NXN: variants seen among roughly 807,000 people sequenced by gnomAD.
NXN encodes the protein nucleoredoxin.
NXN carries 16 observed loss-of-function variants against 48.6 expected under a neutral mutation model. That is an observed-to-expected ratio of 0.33 (90% CI 0.22 to 0.50). The LOEUF (loss-of-function observed/expected upper bound fraction) is 0.50. Ranked by LOEUF, NXN falls within the 20% of genes least tolerant of loss-of-function variation. The probability of loss-of-function intolerance (pLI) is 0.98; values close to 1 mark genes in which losing one functional copy is unlikely to be tolerated. For missense variants in NXN, 492 were observed against 605.5 expected (o/e 0.81, Z 1.97); for synonymous variants, 281 against 269.6 (o/e 1.04, Z -0.41).
intron 1 of NXN, chr17:896,857 A>AGGGGGGGGGGGGGGGGGGG: frequency 1.7e-6 from 1 of 577,954 alleles, no homozygotes; most frequent in Non-Finnish European, 2.7e-6. Flanking sequence ...GGTCCTGACC[A>AGGGGGGGGGGGGGGGGGGG]CCCGCCCCCG....
intron 6 of NXN, among the ~76,000 whole-genome samples, chr17:804,155 A>C (rs1911356977): frequency 6.6e-6 from 1 of 151,578 alleles, no homozygotes; most frequent in African/African-American, 2.4e-5. Context: ...GGCGCCTGCT[A>C]GTGTTTCTCT....
At chr17:870,092 C>T (rs867164413) in intron 1 of NXN, among the ~76,000 whole-genome samples, 1 of 152,072 alleles carries the variant, frequency 6.6e-6, no homozygotes, top group Non-Finnish European at 1.5e-5. Flanking sequence ...ATGCTGTCCA[C>T]GTTCTACCAG....
At chr17:969,883 C>A (rs779060388) in intron 1 of NXN, among the ~76,000 whole-genome samples, 14 of 152,176 alleles carry the variant, frequency 9.2e-5, no homozygotes, top group Admixed American at 2.0e-4. Context: ...TGTTTGGTGA[C>A]TGTTCGACAA....
intron 1 of NXN, among the ~76,000 whole-genome samples, chr17:918,283 A>G (rs76401817): frequency 0.022 from 3,329 of 152,256 alleles, 97 homozygotes; most frequent in East Asian, 0.14. Context: ...GTCTTGATTA[A>G]GATTATTTTC....
chr17:935,090 C>G (rs2068894732), intron 1 of NXN, among the ~76,000 whole-genome samples: 1 of 151,726 alleles, frequency 6.6e-6, no homozygotes, highest in Non-Finnish European at 1.5e-5. Flanking sequence ...TACCCAGGTT[C>G]AAGTGATTCT....
Position 822,454 on chromosome 17 carries a change from G to A in NXN, c.616C>T (p.Pro206Ser). The A allele has an allele frequency of 6.2e-7, 1 of 1,612,576 alleles. No homozygotes were observed. Among genetic ancestry groups the A allele is most frequent in the Non-Finnish European group, 8.5e-7 (1 of 1,178,766 alleles). The change falls in exon 4 of 8, where the codon CCG (proline) becomes TCG (serine). Residue 206 changes from proline to serine, a missense_variant. By Grantham distance (74) the Pro-to-Ser change is moderately conservative. This residue lies in a region of NXN where 303 missense variants were observed against 388.3 expected (regional missense o/e 0.78). Transcript: ENST00000336868. Reference sequence around the variant, plus strand: ...ACCCGGGTGAGGCTTCGGCAGGGCGGACACTGAAAGACAGGACAGCAAGAC... The same window carrying A: ...ACCCGGGTGAGGCTTCGGCAGGGCGAACACTGAAAGACAGGACAGCAAGAC... ...VGVYFSAHWCPPCRSLTRVLV... is the reference protein window; with the variant it reads ...VGVYFSAHWCSPCRSLTRVLV...
At chr17:946,494 T>C (rs537149057) in intron 1 of NXN, among the ~76,000 whole-genome samples, 1 of 152,030 alleles carries the variant, frequency 6.6e-6, no homozygotes, top group African/African-American at 2.4e-5. Context: ...ATTACTGAGG[T>C]TTTAGAACCA....
chr17:939,041 A>G (rs1054640757), intron 1 of NXN, among the ~76,000 whole-genome samples: 2 of 152,036 alleles, frequency 1.3e-5, no homozygotes, highest in African/African-American at 4.8e-5. Context: ...GACAAGGGTG[A>G]GACTCCCTCT....
At chr17:832,353 A>ATTT (rs577293334) in intron 1 of NXN, among the ~76,000 whole-genome samples, 3 of 143,392 alleles carry the variant, frequency 2.1e-5, no homozygotes, top group African/African-American at 7.7e-5. Flanking sequence ...ACTATTTTGT[A>ATTT]TTTTTTTTTT....
chr17:840,859 G>A (rs1914127845), intron 1 of NXN, among the ~76,000 whole-genome samples: 1 of 152,146 alleles, frequency 6.6e-6, no homozygotes, highest in Admixed American at 6.5e-5. Flanking sequence ...CCAGGATAAA[G>A]GACGGCACAC....
intron 1 of NXN, among the ~76,000 whole-genome samples, chr17:915,884 C>CCCCTAAAATGGGCAGCCACTTATGGTGT (rs1405159846): frequency 3.1e-4 from 47 of 151,970 alleles, no homozygotes; most frequent in South Asian, 4.2e-4. Flanking sequence ...GCTGGAACTT[C>CCCCTAAAATGGGCAGCCACTTATGGTGT]CAGCTGCTCC....
At chr17:912,781 C>G (rs866465657) in intron 1 of NXN, among the ~76,000 whole-genome samples, 1 of 151,956 alleles carries the variant, frequency 6.6e-6, no homozygotes, top group East Asian at 1.9e-4. Flanking sequence ...GGTGAAACCC[C>G]GTCTCTACTA....
intron 5 of NXN, among the ~76,000 whole-genome samples, chr17:806,721 A>G (rs1465811466): frequency 6.6e-6 from 1 of 151,998 alleles, no homozygotes; most frequent in Non-Finnish European, 1.5e-5. Context: ...TGTCGGGGGG[A>G]TGCCGAGGTA....
At chr17:880,258 C>T (rs2068269030) in intron 1 of NXN, among the ~76,000 whole-genome samples, 1 of 151,948 alleles carries the variant, frequency 6.6e-6, no homozygotes, top group Non-Finnish European at 1.5e-5. Flanking sequence ...CTCTTTATTT[C>T]CGGGGGCGGA....
chr17:881,342 A>G (rs1486618294), intron 1 of NXN, among the ~76,000 whole-genome samples: 1 of 152,116 alleles, frequency 6.6e-6, no homozygotes, highest in East Asian at 1.9e-4. Context: ...CCCAGACTCA[A>G]GTGATCCTCC....
intron 1 of NXN, among the ~76,000 whole-genome samples, chr17:865,781 C>T (rs2068089698): frequency 1.3e-5 from 2 of 151,286 alleles, no homozygotes; most frequent in African/African-American, 2.4e-5. Flanking sequence ...GTCAGGAGTT[C>T]GAGACCAGCC....
intron 5 of NXN, among the ~76,000 whole-genome samples, chr17:812,752 G>A (rs549900269): frequency 1.4e-5 from 2 of 147,646 alleles, no homozygotes; most frequent in East Asian, 2.0e-4. Flanking sequence ...GTGAGTGAGA[G>A]TGTGCATATG....
chr17:806,040 A>T (rs906100367), intron 5 of NXN, among the ~76,000 whole-genome samples: 1 of 151,832 alleles, frequency 6.6e-6, no homozygotes, highest in African/African-American at 2.4e-5. Flanking sequence ...CAGTGAGCGC[A>T]GGGCCAGTGC....
At chr17:856,686 C>T (rs2067989955) in intron 1 of NXN, among the ~76,000 whole-genome samples, 1 of 151,884 alleles carries the variant, frequency 6.6e-6, no homozygotes, top group Non-Finnish European at 1.5e-5. Flanking sequence ...GACGGGGTTT[C>T]TCCATGTTGG....
Sources: gnomAD v4.1 joint callset for allele counts (sites outside exome capture counted in the v4.1 genomes callset) on GRCh38, gnomAD v4.1.1 for gene constraint, gnomAD v4.1.1 regional missense constraint, MANE v1.5 for transcripts, NCBI Gene and HGNC (gene_info 2026-07-23, HGNC 2026-07-21) for gene names.